TNN: variants seen among roughly 807,000 people sequenced by gnomAD.
TNN encodes tenascin-N.
TNN carries 122 observed loss-of-function variants against 134.4 expected under a neutral mutation model. The ratio of observed to expected loss-of-function variants is 0.91; its 90% CI spans 0.78 to 1.06. The LOEUF (loss-of-function observed/expected upper bound fraction) is 1.06. Among genes scored for constraint, TNN ranks in the 50% least tolerant of loss-of-function variants. The pLI, the probability that TNN is intolerant of heterozygous loss-of-function variation, is 0.00. For synonymous variants in TNN, 710 were observed against 670.3 expected (o/e 1.06, Z -0.91); for missense variants, 1,739 against 1,699.4 (o/e 1.02, Z -0.41).
chr1:175,110,499 G>C (rs771192974), intron 9 of TNN, among the ~76,000 whole-genome samples: 2 of 152,176 alleles, frequency 1.3e-5, no homozygotes, highest in Non-Finnish European at 2.9e-5. Context: ...CATAGTTTCA[G>C]GTCTTACATT....
chr1:175,109,010 C>T (rs1674944488), intron 9 of TNN, among the ~76,000 whole-genome samples: 1 of 151,182 alleles, frequency 6.6e-6, no homozygotes, highest in African/African-American at 2.4e-5. Flanking sequence ...TGCCAGCACG[C>T]TGTCACCTCT....
At chr1:175,095,063 A>G (rs1209487278) in intron 7 of TNN, among the ~76,000 whole-genome samples, 1 of 152,224 alleles carries the variant, frequency 6.6e-6, no homozygotes, top group African/African-American at 2.4e-5. Flanking sequence ...GGCTTTGAGC[A>G]AGTTACTTTA....
intron 12 of TNN, among the ~76,000 whole-genome samples, chr1:175,125,703 C>CTCTCTCTT (rs1675496909): frequency 1.5e-5 from 1 of 66,390 alleles, no homozygotes; most frequent in Non-Finnish European, 3.1e-5. Context: ...TCTTTTTTCT[C>CTCTCTCTT]TCTTTCTTTC....
chr1:175,069,149 A>T (rs1673862494), intron 1 of TNN, among the ~76,000 whole-genome samples: 1 of 152,168 alleles, frequency 6.6e-6, no homozygotes, highest in African/African-American at 2.4e-5. Flanking sequence ...GACACAGGTT[A>T]GCCACAGTGC....
chr1:175,124,637 C>T (rs566094505), intron 12 of TNN, among the ~76,000 whole-genome samples: 2 of 152,108 alleles, frequency 1.3e-5, no homozygotes, highest in Admixed American at 6.5e-5. Context: ...GCCAAGATTG[C>T]GCCATTGCAC....
At chr1:175,090,015 C>A (rs944325439) in intron 6 of TNN, among the ~76,000 whole-genome samples, 1 of 152,210 alleles carries the variant, frequency 6.6e-6, no homozygotes, top group Non-Finnish European at 1.5e-5. Flanking sequence ...CAGCAACAAT[C>A]TCTATCATTT....
At chr1:175,077,901 C>T in intron 2 of TNN, 74 bp downstream of exon 2, 3 of 1,441,936 alleles carry the variant, frequency 2.1e-6, no homozygotes, top group Non-Finnish European at 2.8e-6. Context: ...TTCCACTAGC[C>T]TCATGAGCAC....
chr1:175,136,766 G>T, intron 16 of TNN, 55 bp from the exon 17 acceptor site: 1 of 1,550,400 alleles, frequency 6.4e-7, no homozygotes, highest in African/African-American at 1.4e-5. Flanking sequence ...CATGTTGAGT[G>T]CTTACTCGCA....
At chr1:175,117,348 C>A in intron 10 of TNN, 143 bp downstream of exon 10, 1 of 1,367,978 alleles carries the variant, frequency 7.3e-7, no homozygotes, top group Non-Finnish European at 9.9e-7. Context: ...AGATTGCACA[C>A]ACCATCCCTC....
intron 9 of TNN, among the ~76,000 whole-genome samples, chr1:175,111,755 T>C (rs572716610): frequency 6.7e-6 from 1 of 148,488 alleles, no homozygotes; most frequent in Admixed American, 6.7e-5. Flanking sequence ...AAAGTAGCTA[T>C]TGTAAAAGGG....
chr1:175,115,472 G>T (rs1021128431), intron 9 of TNN, among the ~76,000 whole-genome samples: 1 of 152,192 alleles, frequency 6.6e-6, no homozygotes, highest in Non-Finnish European at 1.5e-5. Flanking sequence ...GAATGAGTGG[G>T]TAGGGGAGGG....
intron 9 of TNN, among the ~76,000 whole-genome samples, chr1:175,100,669 G>C (rs560076374): frequency 1.3e-5 from 2 of 150,622 alleles, no homozygotes; most frequent in African/African-American, 4.9e-5. Context: ...AACGGCTTTT[G>C]CAATGAATTA....
chr1:175,136,878 T>C lies in TNN; in HGVS notation c.3485T>C (p.Val1162Ala). Residue 1162 changes from valine (V) to alanine (A), a missense_variant, in exon 17 of 19, where the codon GTG (valine) becomes GCG (alanine). Transcript: ENST00000239462. ...ACTCCAGCGCGGTATGAGGTGAGAG[T>C]GGATTTACAGACTGCCAATGAATCT... ...TGTPARYEVRVDLQTANESAY... is the reference protein window; with the variant it reads ...TGTPARYEVRADLQTANESAY... 1 of 1,613,828 alleles carries C rather than the reference T, an allele frequency of 6.2e-7. No homozygotes were observed. The highest frequency in any genetic ancestry group is 8.5e-7 in the Non-Finnish European group (1 of 1,179,976).
intron 18 of TNN, 31 bp from the exon 19 acceptor site, chr1:175,146,900 C>T (rs754244397): frequency 2.0e-6 from 3 of 1,472,724 alleles, no homozygotes; most frequent in Non-Finnish European, 2.7e-6. Context: ...AGAGCCTCTT[C>T]TTGATGTGGC....
chr1:175,109,972 G>A, intron 9 of TNN, among the ~76,000 whole-genome samples: 1 of 152,016 alleles, frequency 6.6e-6, no homozygotes, highest in Non-Finnish European at 1.5e-5. Flanking sequence ...ATTCCCACCA[G>A]CAGTGAACTA....
chr1:175,108,912 T>C (rs1674939744), intron 9 of TNN, among the ~76,000 whole-genome samples: 1 of 151,706 alleles, frequency 6.6e-6, no homozygotes, highest in African/African-American at 2.4e-5. Flanking sequence ...TCCCACAGTG[T>C]AGTGGTGGGC....
At chr1:175,101,962 C>T (rs1484146901) in intron 9 of TNN, among the ~76,000 whole-genome samples, 2 of 142,438 alleles carry the variant, frequency 1.4e-5, no homozygotes, top group Non-Finnish European at 3.1e-5. Flanking sequence ...TAAAGGTCCT[C>T]CACGTCCTCA....
rs751290443 is a variant in TNN at position 175,127,004 on chromosome 1, T to C, written c.2964T>C (p.Gly988=). 1 of 1,614,146 alleles carries C rather than the reference T, an allele frequency of 6.2e-7. No individual in the cohort carries two copies. Among genetic ancestry groups the C allele is most frequent in the Non-Finnish European group, 8.5e-7 (1 of 1,179,996 alleles). ...GTCCATCTGCTGTAACGCAGTCTGG[T>C]GGCATATTGACCTGGACGCCCCCCT... ...NLRPSAVTQS[G]GILTWTPPSA... Residue 988 remains glycine, a synonymous_variant, in exon 13 of 19, where the codon GGT becomes GGC. Coordinates refer to ENST00000239462, the MANE Select transcript of TNN (RefSeq NM_022093.2).
intron 4 of TNN, 94 bp from the exon 5 acceptor site, chr1:175,083,655 GA>G: frequency 8.3e-7 from 1 of 1,209,376 alleles, no homozygotes; most frequent in Non-Finnish European, 1.1e-6. Context: ...GAGATGTCAA[GA>G]AAGGGAGCTG....
Sources: gnomAD v4.1 joint callset for allele counts (sites outside exome capture counted in the v4.1 genomes callset) on GRCh38, gnomAD v4.1.1 for gene constraint, MANE v1.5 for transcripts, NCBI Gene and HGNC (gene_info 2026-07-23, HGNC 2026-07-21) for gene names.